Variants in NUMA1 observed in about 807,000 individuals in gnomAD.
NUMA1 encodes nuclear mitotic apparatus protein 1, also known as SP-H antigen.
Under a neutral mutation model 237.1 loss-of-function variants are expected in NUMA1, and 62 were observed. That is an observed-to-expected ratio of 0.26 (90% CI 0.21 to 0.32). NUMA1 has a LOEUF of 0.32. Among genes scored for constraint, NUMA1 ranks in the 10% least tolerant of loss-of-function variants. The pLI, the probability that NUMA1 is intolerant of heterozygous loss-of-function variation, is 1.00. For missense variants in NUMA1, 2,533 were observed against 2,666.5 expected, an observed-to-expected ratio of 0.95 and a Z score of 1.10; for synonymous variants, 1,028 against 1,066.1, an observed-to-expected ratio of 0.96 and a Z score of 0.70.
chr11:72,077,399 G>T (rs1943760140), intron 1 of NUMA1, among the ~76,000 whole-genome samples: 1 of 152,124 alleles, frequency 6.6e-6, no homozygotes, highest in African/African-American at 2.4e-5. Context: ...AATAAAATAA[G>T]TTAATTTGCA....
At chr11:72,033,668 G>A (rs1221661422) in intron 3 of NUMA1, among the ~76,000 whole-genome samples, 1 of 152,092 alleles carries the variant, frequency 6.6e-6, no homozygotes, top group African/African-American at 2.4e-5. Flanking sequence ...CACTGCACCT[G>A]GCCTCATGCA....
At chr11:72,003,659 A>C in intron 26 of NUMA1, 121 bp from the exon 27 acceptor site, 1 of 1,329,034 alleles carries the variant, frequency 7.5e-7, no homozygotes, top group South Asian at 1.2e-5. Flanking sequence ...TGTGAGCCCC[A>C]GGGTTATCAG....
Position 72,014,443 on chromosome 11 carries a change from A to G in NUMA1, c.3060T>C (p.Leu1020=), listed in dbSNP as rs761801609. 2.5e-6 allele frequency: 4 copies of G among 1,605,998 alleles called. No individual in the cohort carries two copies. Among genetic ancestry groups the G allele is most frequent in the Middle Eastern group, 1.6e-4 (1 of 6,062 alleles). ...TQERGRAQAD[L]ALEKAARAEL... Reference sequence around the variant, plus strand: ...CTGCTCTGGCCGCCTTCTCCAGGGCAAGGTCAGCCTGGGCACGGCCCCGCT... The same window carrying G: ...CTGCTCTGGCCGCCTTCTCCAGGGCGAGGTCAGCCTGGGCACGGCCCCGCT... Residue 1020 remains leucine (L), a synonymous_variant, in exon 15 of 27, where the codon CTT becomes CTC. Coordinates refer to ENST00000393695, the MANE Select transcript of NUMA1 (RefSeq NM_006185.4). The surrounding 1 kb of genome is among the most constrained non-coding windows in gnomAD (Gnocchi z 4.6).
rs201810005 is a variant in NUMA1, at chr11:72,010,746, C to A, written c.4719+40G>T. The A allele has an allele frequency of 6.2e-6, 10 of 1,600,712 alleles. No individual in the cohort carries two copies. Among genetic ancestry groups the A allele is most frequent in the Non-Finnish European group, 7.7e-6 (9 of 1,173,178 alleles). On this transcript the variant is annotated intron_variant, in intron 17 of 26. Transcript: ENST00000393695. ...CAGAGCTTAGAGAATAGCTTCCCTCCCTTGTCCAGAGGCCAGACCCATTCC... is the reference window on the plus strand; with the variant it reads ...CAGAGCTTAGAGAATAGCTTCCCTCACTTGTCCAGAGGCCAGACCCATTCC...
At chr11:72,042,273 G>A (rs995513988) in intron 2 of NUMA1, 1 of 152,232 alleles carries the variant, frequency 6.6e-6, no homozygotes, top group Non-Finnish European at 1.5e-5. Context: ...AACATTTACT[G>A]AGCACCTACT....
In NUMA1 at chr11:72,024,310, A is replaced by G. The variant is rs373792229; in HGVS notation, c.172T>C (p.Ser58Pro). 1 of 1,614,132 alleles carries G rather than the reference A, an allele frequency of 6.2e-7. No individual in the cohort carries two copies. Among genetic ancestry groups the G allele is most frequent in the African/African-American group, 1.3e-5 (1 of 74,950 alleles). Residue 58 changes from serine (S) to proline (P), a missense_variant, in exon 5 of 27, where the codon TCA becomes CCA. By Grantham distance (74) the Ser-to-Pro change is moderately conservative. Transcript: ENST00000393695. The part of the protein sequence containing the change: ...EGQQILKQPV[S>P]ERLDFVCSFL... ...CTGCACACAAAGTCCAGTCTCTCTG[A>G]CACCGGCTGCTTCAAGATTTGCTGT...
At chr11:72,030,449 T>C (rs886240066) in intron 3 of NUMA1, among the ~76,000 whole-genome samples, 12 of 152,222 alleles carry the variant, frequency 7.9e-5, no homozygotes, top group Non-Finnish European at 7.3e-5. Flanking sequence ...AGTTGCCTGT[T>C]CCCATTCTTT....
At chr11:72,065,602 A>G (rs1943163451) in intron 2 of NUMA1, 1 of 152,208 alleles carries the variant, frequency 6.6e-6, no homozygotes, top group Non-Finnish European at 1.5e-5. Context: ...GGGTGATTTC[A>G]GTTTTCTTCC....
At chr11:72,033,350 C>T (rs1438762827) in intron 3 of NUMA1, among the ~76,000 whole-genome samples, 2 of 106,004 alleles carry the variant, frequency 1.9e-5, no homozygotes, top group Non-Finnish European at 4.1e-5. Flanking sequence ...TTAACATTTT[C>T]ATGCATGTTC....
At chr11:72,034,993 A>T (rs1025285201) in intron 3 of NUMA1, among the ~76,000 whole-genome samples, 19 of 152,134 alleles carry the variant, frequency 1.2e-4, no homozygotes, top group African/African-American at 4.6e-4. Flanking sequence ...AGTAGGTGAG[A>T]CTACAGGTGC....
intron 1 of NUMA1, 61 bp from the exon 2 acceptor site, chr11:72,069,972 T>A (rs983658349): frequency 6.6e-6 from 1 of 152,126 alleles, no homozygotes; most frequent in African/African-American, 2.4e-5. Flanking sequence ...CCACTCTTAG[T>A]GAGCTCAGCC....
intron 2 of NUMA1, among the ~76,000 whole-genome samples, chr11:72,038,909 C>G (rs1025479144): frequency 6.6e-6 from 1 of 152,078 alleles, no homozygotes; most frequent in Non-Finnish European, 1.5e-5. Flanking sequence ...AAAACAGAGG[C>G]CTCACCGAGC....
chr11:72,008,664 T>G, intron 20 of NUMA1, 24 bp downstream of exon 20: 1 of 1,613,434 alleles, frequency 6.2e-7, no homozygotes, highest in Non-Finnish European at 8.5e-7. Flanking sequence ...TAAACAGACA[T>G]AGGGAGGAAG....
At position 72,018,970 on chromosome 11, in the gene NUMA1, C is replaced by G. The variant is rs754651926; in HGVS notation, c.595G>C (p.Gly199Arg). 3.7e-6 allele frequency: 6 copies of G among 1,613,814 alleles called. No individual in the cohort carries two copies. The highest frequency in any genetic ancestry group is 1.7e-6 in the Non-Finnish European group (2 of 1,179,962). The change falls in exon 10 of 27, where the codon GGT (glycine) becomes CGT (arginine). Residue 199 changes from glycine to arginine, a missense_variant. Coordinates refer to ENST00000393695, the MANE Select transcript of NUMA1 (RefSeq NM_006185.4). ...TCACCCATGGGAGAAGCTGGAGAAC[C>G]TGAGAGAAAGCTGAGGAGGGAGAAG... ...SSSSGNNFLS[G>R]SPASPMGDIL...
At chr11:72,055,111 A>G (rs887275675) in intron 2 of NUMA1, among the ~76,000 whole-genome samples, 2 of 152,156 alleles carry the variant, frequency 1.3e-5, no homozygotes, top group Non-Finnish European at 1.5e-5. Flanking sequence ...ATGAGACAGC[A>G]AAGGTGATAA....
rs1956481713 is a variant in NUMA1 at position 72,015,699 on chromosome 11, C to G, written c.1804G>C (p.Ala602Pro). The change falls in exon 15 of 27, where the codon GCT becomes CCT. Residue 602 changes from alanine to proline, a missense_variant. Ala to Pro is a conservative substitution (Grantham distance 27, BLOSUM62 -1). This residue lies in a region of NUMA1 where 1,414 missense variants were observed against 1,508.1 expected (regional missense o/e 0.94). Coordinates refer to ENST00000393695, the MANE Select transcript of NUMA1 (RefSeq NM_006185.4). The surrounding 1 kb of genome is among the most constrained non-coding windows in gnomAD (Gnocchi z 4.0). Reference sequence around the variant, plus strand: ...TCCAGTGCCTCCAGCTGCTTGAGAGCCGCATCCCGCTCCCTTAAGGAGGCC... The same window carrying G: ...TCCAGTGCCTCCAGCTGCTTGAGAGGCGCATCCCGCTCCCTTAAGGAGGCC... The part of the protein sequence containing the change: ...REASLRERDA[A>P]LKQLEALEKE... 1 of 1,613,956 alleles carries G rather than the reference C, an allele frequency of 6.2e-7. No individual in the cohort carries two copies. The highest frequency in any genetic ancestry group is 8.5e-7 in the Non-Finnish European group (1 of 1,180,040).
At chr11:72,039,871 A>C (rs1548348) in intron 2 of NUMA1, 1 of 151,938 alleles carries the variant, frequency 6.6e-6, no homozygotes, top group African/African-American at 2.4e-5. Context: ...CTCCAACTCT[A>C]GGACGGATAG....
intron 2 of NUMA1, among the ~76,000 whole-genome samples, chr11:72,046,146 C>T (rs974895846): frequency 2.0e-5 from 3 of 152,240 alleles, no homozygotes; most frequent in African/African-American, 7.2e-5. Context: ...AGCAGAATTT[C>T]CACAGCCCCT....
Position 72,019,630 on chromosome 11 carries a change from AAT to A in NUMA1, c.461-15_461-14del. 1 of 1,609,678 alleles carries A rather than the reference AAT, an allele frequency of 6.2e-7. No homozygotes were observed. Among genetic ancestry groups the A allele is most frequent in the Non-Finnish European group, 8.5e-7 (1 of 1,177,806 alleles). On this transcript the variant is annotated splice_polypyrimidine_tract_variant and intron_variant, in intron 8 of 26. Coordinates refer to ENST00000393695, the MANE Select transcript of NUMA1 (RefSeq NM_006185.4). Reference sequence around the variant, plus strand: ...GAAGGCACAGGAGCTGGGGGTAAGAAATAGACAAAATAAATCAACAAAGGTTA... The same window carrying A: ...GAAGGCACAGGAGCTGGGGGTAAGAAAGACAAAATAAATCAACAAAGGTTA...
Sources: allele counts gnomAD v4.1 joint callset (sites outside exome capture counted in the v4.1 genomes callset), GRCh38; gene constraint gnomAD v4.1.1; regional missense constraint gnomAD v4.1.1; non-coding constraint Gnocchi (gnomAD v3.1); transcripts MANE v1.5; gene names NCBI Gene and HGNC (gene_info 2026-07-23, HGNC 2026-07-21).